NEDD8: variants seen among roughly 807,000 people sequenced by gnomAD.
NEDD8 encodes ubiquitin-like protein NEDD8.
NEDD8 carries 1 observed loss-of-function variant against 13.8 expected under a neutral mutation model. The ratio of observed to expected loss-of-function variants is 0.07; its 90% confidence interval spans 0.03 to 0.34. The LOEUF (loss-of-function observed/expected upper bound fraction) is 0.34, where lower values mean the gene tolerates loss of function less well. Among genes scored for constraint, NEDD8 ranks in the 10% least tolerant of loss-of-function variants. The pLI is 0.99. For synonymous variants in NEDD8, 31 were observed against 33.2 expected, an observed-to-expected ratio of 0.93 and a Z score of 0.23; for missense variants, 10 against 95.2, an observed-to-expected ratio of 0.10 and a Z score of 3.73.
intron 1 of NEDD8, 81 bp from the exon 2 acceptor site, chr14:24,218,512 T>A: frequency 6.2e-7 from 1 of 1,602,304 alleles, no homozygotes; most frequent in Non-Finnish European, 8.5e-7. Flanking sequence ...ATGTTGGTCT[T>A]TGGGATCTAC....
intron 1 of NEDD8, among the ~76,000 whole-genome samples, chr14:24,224,924 C>T (rs1233373159): frequency 6.6e-6 from 1 of 152,082 alleles, no homozygotes; most frequent in Non-Finnish European, 1.5e-5. Context: ...TTTGGGAGGC[C>T]GAGGTGGGCG....
chr14:24,229,387 T>G (rs528208047), intron 1 of NEDD8, among the ~76,000 whole-genome samples: 36 of 152,278 alleles, frequency 2.4e-4, no homozygotes, highest in African/African-American at 8.7e-4. Flanking sequence ...ACTCGGCTAA[T>G]TTTTGTATTT....
intron 1 of NEDD8, among the ~76,000 whole-genome samples, chr14:24,219,186 G>T (rs921631627): frequency 6.6e-6 from 1 of 151,984 alleles, no homozygotes; most frequent in Non-Finnish European, 1.5e-5. Context: ...AATTGGCTGG[G>T]CATGGTGGCT....
At chr14:24,220,285 T>C in intron 1 of NEDD8, among the ~76,000 whole-genome samples, 1 of 152,238 alleles carries the variant, frequency 6.6e-6, no homozygotes, top group East Asian at 1.9e-4. Context: ...GATGATCATA[T>C]TATAATCACA....
rs34585547 is a variant in NEDD8 at position 24,231,494 on chromosome 14, TGG to T, written c.18+754_18+755del. Among the ~76,000 whole-genome samples the T allele has an allele frequency of 6.1e-3, 412 of 67,552 alleles. 4 individuals are homozygous for T. The highest frequency in any genetic ancestry group is 0.017 in the Middle Eastern group (2 of 116). 44.3% of individuals were successfully genotyped at this position (67,552 alleles called of 152,430 possible). ...CAGTTTTGTTTTTTTGAGGGGGGCGTGGGGGGGGGGGTCTCTGTCTGTCTGAA... is the reference window on the plus strand; with the variant it reads ...CAGTTTTGTTTTTTTGAGGGGGGCGTGGGGGGGGGTCTCTGTCTGTCTGAA... On this transcript the variant is annotated intron_variant, in intron 1 of 3. Transcript: ENST00000250495.
At chr14:24,221,853 C>T (rs916772276) in intron 1 of NEDD8, among the ~76,000 whole-genome samples, 2 of 152,146 alleles carry the variant, frequency 1.3e-5, no homozygotes, top group Non-Finnish European at 2.9e-5. Flanking sequence ...GCCTCGGCCT[C>T]CCAAAGTGCT....
At chr14:24,223,433 G>C (rs113550535) in intron 1 of NEDD8, among the ~76,000 whole-genome samples, 8 of 151,910 alleles carry the variant, frequency 5.3e-5, no homozygotes, top group African/African-American at 1.9e-4. Flanking sequence ...AAATTCAAAT[G>C]GTAAATTTTC....
chr14:24,218,769 G>T, intron 1 of NEDD8: 1 of 337,304 alleles, frequency 3.0e-6, no homozygotes, highest in East Asian at 7.0e-5. Flanking sequence ...TTTTTGAGAT[G>T]GAGTTTCGCT....
At chr14:24,224,883 T>C (rs1005477460) in intron 1 of NEDD8, among the ~76,000 whole-genome samples, 1 of 152,000 alleles carries the variant, frequency 6.6e-6, no homozygotes, top group South Asian at 2.1e-4. Flanking sequence ...TGGGAGCCCG[T>C]TGTGGTGTCT....
chr14:24,232,142 C>A, intron 1 of NEDD8, 108 bp downstream of exon 1: 1 of 1,563,786 alleles, frequency 6.4e-7, no homozygotes, highest in Non-Finnish European at 8.7e-7. Flanking sequence ...AGGCAGTCAG[C>A]GTCCTCCAGG....
chr14:24,230,680 G>A (rs575313133), intron 1 of NEDD8, among the ~76,000 whole-genome samples: 42 of 148,618 alleles, frequency 2.8e-4, no homozygotes, highest in South Asian at 8.6e-4. Flanking sequence ...GTGCAATGGC[G>A]CCATCTCAGC....
In NEDD8 at chr14:24,232,333, G is replaced by T; in HGVS notation, c.-66C>A. 1.3e-6 allele frequency: 2 copies of T among 1,525,870 alleles called. No homozygotes were observed. Among genetic ancestry groups the T allele is most frequent in the Non-Finnish European group, 1.8e-6 (2 of 1,133,958 alleles). The allele number at this position is 1,525,870 out of a possible 1,614,324, so 94.5% of individuals were successfully genotyped here. A position where few individuals can be genotyped will look rare whatever the true frequency, so the allele number is the denominator to read the frequency against. ...TCCTACCGCTCCGGTCGCCGCTGCC[G>T]CCCTCCAGCACTCTTGCCTGCAAGG... On this transcript the variant is annotated 5_prime_UTR_variant, in exon 1 of 4. Transcript: ENST00000250495.
At chr14:24,223,966 C>T (rs1297521234) in intron 1 of NEDD8, among the ~76,000 whole-genome samples, 5 of 152,030 alleles carry the variant, frequency 3.3e-5, no homozygotes, top group East Asian at 1.9e-4. Context: ...CTCGCTCTGT[C>T]GCCCAGGCTG....
intron 1 of NEDD8, chr14:24,218,698 A>C: frequency 1.8e-6 from 1 of 543,826 alleles, no homozygotes; most frequent in Non-Finnish European, 3.3e-6. Context: ...AGTCCCCCAA[A>C]ATCAGTGAGA....
At chr14:24,226,379 G>A (rs2039891132) in intron 1 of NEDD8, among the ~76,000 whole-genome samples, 1 of 150,826 alleles carries the variant, frequency 6.6e-6, no homozygotes, top group Non-Finnish European at 1.5e-5. Flanking sequence ...AACGAAGGTG[G>A]AGGTTGCAGT....
At chr14:24,218,499 C>A (rs1366880779) in intron 1 of NEDD8, 68 bp from the exon 2 acceptor site, 5 of 1,611,012 alleles carry the variant, frequency 3.1e-6, no homozygotes, top group Non-Finnish European at 4.2e-6. Flanking sequence ...GGTAAAACAT[C>A]CTATGTTGGT....
intron 1 of NEDD8, among the ~76,000 whole-genome samples, chr14:24,222,846 T>C (rs1190457230): frequency 2.6e-5 from 4 of 152,162 alleles, no homozygotes; most frequent in East Asian, 1.9e-4. Flanking sequence ...CCTAGCACTT[T>C]AGGAGGCCGA....
intron 1 of NEDD8, among the ~76,000 whole-genome samples, chr14:24,223,033 C>A (rs1464541525): frequency 7.2e-6 from 1 of 138,658 alleles, no homozygotes; most frequent in Admixed American, 8.2e-5. Context: ...TTACGGTGAG[C>A]TGAGATCATG....
At chr14:24,222,089 G>C (rs2039818913) in intron 1 of NEDD8, among the ~76,000 whole-genome samples, 2 of 152,118 alleles carry the variant, frequency 1.3e-5, no homozygotes, top group Admixed American at 1.3e-4. Flanking sequence ...TTGGCAATAT[G>C]GTGTCCCAGC....
Sources: allele counts gnomAD v4.1 joint callset (sites outside exome capture counted in the v4.1 genomes callset), GRCh38; gene constraint gnomAD v4.1.1; transcripts MANE v1.5; gene names NCBI Gene and HGNC (gene_info 2026-07-23, HGNC 2026-07-21).